COL9A3: variants seen among roughly 807,000 people sequenced by gnomAD.
COL9A3 encodes collagen type IX alpha 3 chain, also known as collagen alpha-3(IX) chain.
COL9A3 carries 82 observed loss-of-function variants against 110.2 expected under a neutral mutation model. That is an observed-to-expected ratio of 0.74 (90% CI 0.62 to 0.89). The LOEUF is 0.89. COL9A3 is among the 40% of genes least tolerant of loss of function. COL9A3 has a pLI of 0.00. For missense variants in COL9A3, 1,066 were observed against 981.3 expected, an observed-to-expected ratio of 1.09 and a Z score of -1.15; for synonymous variants, 494 against 403.8, an observed-to-expected ratio of 1.22 and a Z score of -2.68.
In COL9A3 at chr20:62,836,545, C is replaced by T. The variant is rs375197193; in HGVS notation, c.1603+13C>T. ...GGGATGATCAGCGGTAAGTCAGCCA[C>T]GTGCACCGGCTGCAGCGGGGCCCAT... On this transcript the variant is annotated intron_variant, in intron 29 of 31. Coordinates refer to ENST00000649368, the MANE Select transcript of COL9A3 (RefSeq NM_001853.4). 1.7e-5 allele frequency: 27 copies of T among 1,604,220 alleles called. No homozygotes were observed. Among genetic ancestry groups the T allele is most frequent in the South Asian group, 3.3e-5 (3 of 89,988 alleles).
At chr20:62,829,863 C>G in intron 22 of COL9A3, 44 bp downstream of exon 22, 1 of 1,536,584 alleles carries the variant, frequency 6.5e-7, no homozygotes, top group Non-Finnish European at 8.7e-7. Flanking sequence ...TAGCACTGAG[C>G]CATTGGCACA....
chr20:62,828,863 G>T, intron 18 of COL9A3, 46 bp downstream of exon 18: 1 of 1,612,528 alleles, frequency 6.2e-7, no homozygotes. Context: ...GGGCTGGAGG[G>T]GAGTTCGGCC....
In COL9A3 at chr20:62,817,587, C is replaced by A. The variant is rs772387433; in HGVS notation, c.99C>A (p.Pro33=). The stretch of plus-strand genomic sequence containing the variant: ...TTCAGAGAGTGGGACTCCCCGGCCC[C>A]CCCGGCCCCCCAGGGCCGCCCGGGA... ...AGAQRVGLPG[P]PGPPGPPGKP... The change falls in exon 2 of 32, where the codon CCC becomes CCA. Residue 33 remains proline (P), a synonymous_variant. Coordinates refer to ENST00000649368, the MANE Select transcript of COL9A3 (RefSeq NM_001853.4). 2.7e-5 allele frequency: 42 copies of A among 1,546,742 alleles called. No individual in the cohort carries two copies. In the Admixed American group the frequency reaches 8.1e-4, roughly 30 times the overall value.
chr20:62,835,606 G>A (rs976358892), intron 26 of COL9A3, among the ~76,000 whole-genome samples: 7 of 152,206 alleles, frequency 4.6e-5, no homozygotes, highest in Admixed American at 4.6e-4. Context: ...TTAGGGCAGA[G>A]AGGTTCAGCC....
At chr20:62,821,259 G>A (rs1160587686) in intron 6 of COL9A3, 43 bp downstream of exon 6, 1 of 1,600,034 alleles carries the variant, frequency 6.2e-7, no homozygotes, top group Non-Finnish European at 8.6e-7. Flanking sequence ...GGGAGTTTGG[G>A]GAGCTGGAGA....
chr20:62,833,090 T>G, intron 26 of COL9A3, 26 bp downstream of exon 26: 1 of 1,597,594 alleles, frequency 6.3e-7, no homozygotes, highest in Non-Finnish European at 8.6e-7. Context: ...ACCTCACTGT[T>G]ACCAACAGCT....
rs568736544 is a variant in COL9A3, at chr20:62,825,556, C to T, written c.631-261C>T. 311 of 577,968 alleles carry T rather than the reference C, an allele frequency of 5.4e-4. 2 individuals carry two copies. Among genetic ancestry groups the T allele is most frequent in the African/African-American group, 5.1e-3 (275 of 53,422 alleles). The allele number at this position is 577,968 out of a possible 1,614,324, so 35.8% of individuals were successfully genotyped here. ...CACATCAGAGGGGTCCCTGCTTGGC[C>T]ACGAGGAGGGGCCTGGACAGGGCTG... On this transcript the variant is annotated intron_variant, in intron 12 of 31. Transcript: ENST00000649368.
chr20:62,833,338 G>A (rs1427090464), intron 26 of COL9A3, among the ~76,000 whole-genome samples: 4 of 152,242 alleles, frequency 2.6e-5, no homozygotes, highest in South Asian at 4.1e-4. Context: ...ACTCTGCCCC[G>A]TGGAGTGGCA....
chr20:62,821,000 T>A (rs535209946), intron 5 of COL9A3, among the ~76,000 whole-genome samples, 181 bp from the exon 6 acceptor site: 1 of 152,162 alleles, frequency 6.6e-6, no homozygotes, highest in Non-Finnish European at 1.5e-5. Flanking sequence ...CTCCAGCAGC[T>A]CCCCAGGACG....
Position 62,821,803 on chromosome 20 carries a change from G to GC in COL9A3, c.422dup (p.Pro143ThrfsTer25), listed in dbSNP as rs768455125. On this transcript the variant is annotated frameshift_variant, in exon 8 of 32. Coordinates refer to ENST00000649368, the MANE Select transcript of COL9A3 (RefSeq NM_001853.4). LOFTEE classifies it high-confidence loss of function. ...CCCCCAGGTGGGATCGGCCTCCGCG[G>GC]CCCCCCGGTGAGTGGCTGTCCCAGA... The GC allele has an allele frequency of 1.2e-6, 2 of 1,602,158 alleles. No individual in the cohort carries two copies. The highest frequency in any genetic ancestry group is 1.3e-5 in the African/African-American group (1 of 74,874).
intron 24 of COL9A3, 179 bp from the exon 25 acceptor site, chr20:62,831,975 A>G (rs2063600619): frequency 1.4e-6 from 1 of 705,902 alleles, no homozygotes; most frequent in South Asian, 1.6e-5. Flanking sequence ...CATCGGGCCC[A>G]GAGGCTGTGA....
Position 62,840,795 on chromosome 20 carries a change from CGG to C in COL9A3, c.*67_*68del. On this transcript the variant is annotated 3_prime_UTR_variant, in exon 32 of 32. Coordinates refer to ENST00000649368, the MANE Select transcript of COL9A3 (RefSeq NM_001853.4). ...AGCACAGTGGACGGTCATGAAGGAGCGGGGGTGTGGCAGGCGGGTGACGTCCA... is the reference window on the plus strand; with the variant it reads ...AGCACAGTGGACGGTCATGAAGGAGCGGGTGTGGCAGGCGGGTGACGTCCA... 2.0e-6 allele frequency: 3 copies of C among 1,534,732 alleles called. No individual in the cohort carries two copies. The highest frequency in any genetic ancestry group is 2.6e-6 in the Non-Finnish European group (3 of 1,132,416).
At chr20:62,834,358 C>T (rs2063619213) in intron 26 of COL9A3, among the ~76,000 whole-genome samples, 1 of 152,208 alleles carries the variant, frequency 6.6e-6, no homozygotes, top group Non-Finnish European at 1.5e-5. Context: ...AGGCCTAAAA[C>T]TCAGGTGAAG....
chr20:62,824,312 C>A (rs1290192311), intron 10 of COL9A3, 133 bp from the exon 11 acceptor site: 5 of 904,332 alleles, frequency 5.5e-6, no homozygotes, highest in African/African-American at 1.7e-5. Flanking sequence ...GGTCCTGTCA[C>A]CATGAGGAGT....
At chr20:62,827,668 G>A (rs1392412114) in intron 16 of COL9A3, among the ~76,000 whole-genome samples, 2 of 152,226 alleles carry the variant, frequency 1.3e-5, no homozygotes, top group Admixed American at 1.3e-4. Flanking sequence ...ACCGTCCCCA[G>A]ACTGGTCAGC....
chr20:62,826,789 C>T lies in COL9A3; in HGVS notation c.761C>T (p.Pro254Leu), dbSNP rs368133031. ...CAGGGTCCCATTGGGTTCCGAGGGCCGCCTGGGATCCCAGGAGCGCCTGGG... is the reference window on the plus strand; with the variant it reads ...CAGGGTCCCATTGGGTTCCGAGGGCTGCCTGGGATCCCAGGAGCGCCTGGG... ...GDRGPIGFRG[P>L]PGIPGAPGKA... Residue 254 changes from proline (P) to leucine (L), a missense_variant, in exon 15 of 32, where the codon CCG becomes CTG. Pro to Leu is a moderately conservative substitution (Grantham distance 98). Coordinates refer to ENST00000649368, the MANE Select transcript of COL9A3 (RefSeq NM_001853.4). 19 of 1,612,670 alleles carry T rather than the reference C, an allele frequency of 1.2e-5. No homozygotes were observed. Among genetic ancestry groups the T allele is most frequent in the African/African-American group, 1.1e-4 (8 of 74,904 alleles).
intron 15 of COL9A3, 89 bp downstream of exon 15, chr20:62,826,909 G>A (rs1351538996): frequency 1.4e-6 from 2 of 1,453,444 alleles, no homozygotes; most frequent in African/African-American, 2.8e-5. Flanking sequence ...AGCCCCACTG[G>A]GGCCCCTCTT....
Position 62,841,005 on chromosome 20 carries a change from C to T in COL9A3, c.*273C>T, listed in dbSNP as rs1254654010. ...ATATAAAAGGTTGTGTACAACTCCA[C>T]GAGGTGAAAAATATTCAGTAACTTG... On this transcript the variant is annotated 3_prime_UTR_variant, in exon 32 of 32. Transcript: ENST00000649368. 4.6e-5 allele frequency: 20 copies of T among 439,072 alleles called. No individual in the cohort carries two copies. In the East Asian group the frequency reaches 6.2e-4, roughly 14 times the overall value. The allele number at this position is 439,072 out of a possible 1,614,324, so 27.2% of individuals were successfully genotyped here.
intron 25 of COL9A3, 96 bp downstream of exon 25, chr20:62,832,285 T>G: frequency 8.1e-7 from 1 of 1,241,488 alleles, no homozygotes; most frequent in Admixed American, 1.8e-5. Flanking sequence ...TGGCTGTGTT[T>G]TCGGGACACT....
Sources: gnomAD v4.1 joint callset for allele counts (sites outside exome capture counted in the v4.1 genomes callset) on GRCh38, gnomAD v4.1.1 for gene constraint, MANE v1.5 for transcripts, NCBI Gene and HGNC (gene_info 2026-07-23, HGNC 2026-07-21) for gene names.